PCGF6: variants seen among roughly 807,000 people sequenced by gnomAD.
PCGF6 encodes polycomb group RING finger protein 6.
In PCGF6, 24 loss-of-function variants were observed where a neutral mutation model predicts 45.5. The ratio of observed to expected loss-of-function variants is 0.53; its 90% CI spans 0.38 to 0.74. PCGF6 has a LOEUF of 0.74. Among genes scored for constraint, PCGF6 ranks in the 30% least tolerant of loss-of-function variants. The probability of loss-of-function intolerance (pLI) is 0.00; values close to 1 mark genes in which losing one functional copy is unlikely to be tolerated. For missense variants in PCGF6, 356 were observed against 443.2 expected (o/e 0.80, Z 1.77); for synonymous variants, 152 against 162.1 (o/e 0.94, Z 0.47).
At chr10:103,337,555 A>G (rs1029571137) in intron 6 of PCGF6, among the ~76,000 whole-genome samples, 1 of 152,172 alleles carries the variant, frequency 6.6e-6, no homozygotes, top group African/African-American at 2.4e-5. Context: ...AACATACCAT[A>G]CTGTCTGTCT....
At chr10:103,315,885 A>G (rs1004060146) in intron 8 of PCGF6, among the ~76,000 whole-genome samples, 1 of 152,056 alleles carries the variant, frequency 6.6e-6, no homozygotes, top group Non-Finnish European at 1.5e-5. Context: ...CTTACTTGCT[A>G]AGATAGAAAT....
At chr10:103,321,666 C>A (rs1408474094) in intron 8 of PCGF6, among the ~76,000 whole-genome samples, 3 of 151,740 alleles carry the variant, frequency 2.0e-5, no homozygotes, top group Non-Finnish European at 2.9e-5. Flanking sequence ...GAGCCGAGAT[C>A]GCGCCACTGT....
intron 5 of PCGF6, among the ~76,000 whole-genome samples, chr10:103,346,756 T>C (rs917739208): frequency 6.6e-6 from 1 of 151,984 alleles, no homozygotes; most frequent in East Asian, 1.9e-4. Flanking sequence ...GATCACAGCA[T>C]TGCACTCCAG....
At position 103,333,924 on chromosome 10, in the gene PCGF6, C is replaced by A; in HGVS notation, c.810+1G>T. On this transcript the variant is annotated splice_donor_variant, in intron 7 of 9. Transcript: ENST00000369847. LOFTEE classifies it high-confidence loss of function. ...AATGAATGAAAAAAAAAGTAAAATA[C>A]CTTAAAATGTCCCGTGCCTTCATTA... 1 of 1,558,080 alleles carries A rather than the reference C, an allele frequency of 6.4e-7. No individual in the cohort carries two copies.
chr10:103,346,726 T>C (rs1167632833), intron 5 of PCGF6, among the ~76,000 whole-genome samples: 5 of 152,052 alleles, frequency 3.3e-5, no homozygotes, highest in African/African-American at 7.2e-5. Context: ...ACCCAGAAGG[T>C]GGAGGTTGCG....
rs1002086410 is a variant in PCGF6, at chr10:103,303,229, C to T, written c.*676G>A. ...TGAATGTCAGAAATAAAAATACTGT[C>T]ACAAAGAAGCACCCCTTATTGGAAG... On this transcript the variant is annotated 3_prime_UTR_variant, in exon 10 of 10. Transcript: ENST00000369847. 1.2e-4 allele frequency: 18 copies of T among 152,656 alleles called. No homozygotes were observed. Among genetic ancestry groups the T allele is most frequent in the African/African-American group, 4.3e-4 (18 of 41,560 alleles). 9.5% of individuals were successfully genotyped at this position (152,656 alleles called of 1,614,324 possible). A position where few individuals can be genotyped will look rare whatever the true frequency, so the allele number is the denominator to read the frequency against.
Position 103,351,098 on chromosome 10 carries a change from G to T in PCGF6, c.-32C>A. On this transcript the variant is annotated 5_prime_UTR_variant, in exon 1 of 10. Transcript: ENST00000369847. ...GAGAGACACCAGGCGAGGCGAGGCG[G>T]CGGGAGAGCGCGGGAGTTCGGCCGG... 7.5e-7 allele frequency: 1 copy of T among 1,339,658 alleles called. No homozygotes were observed. Among genetic ancestry groups the T allele is most frequent in the Non-Finnish European group, 9.6e-7 (1 of 1,045,118 alleles). 83.0% of individuals were successfully genotyped at this position (1,339,658 alleles called of 1,614,324 possible).
At chr10:103,319,441 G>A (rs961337083) in intron 8 of PCGF6, among the ~76,000 whole-genome samples, 10 of 151,942 alleles carry the variant, frequency 6.6e-5, no homozygotes, top group South Asian at 2.1e-4. Context: ...GTGAGCCACC[G>A]GACCTGGCCA....
rs1386627255 is a variant in PCGF6, at chr10:103,347,518, A to C, written c.558-68T>G. 3.8e-6 allele frequency: 5 copies of C among 1,318,212 alleles called. No homozygotes were observed. The East Asian group carries it at 1.2e-4, about 30-fold the overall frequency. The allele number at this position is 1,318,212 out of a possible 1,614,324, so 81.7% of individuals were successfully genotyped here. A position where few individuals can be genotyped will look rare whatever the true frequency, so the allele number is the denominator to read the frequency against. On this transcript the variant is annotated intron_variant, in intron 3 of 9. Coordinates refer to ENST00000369847, the MANE Select transcript of PCGF6 (RefSeq NM_001011663.2). ...AATGCATTTTGGTACAGAGTGAGTTAATTGTGTTTTCTCTTGAGAGTGGGT... is the reference window on the plus strand; with the variant it reads ...AATGCATTTTGGTACAGAGTGAGTTCATTGTGTTTTCTCTTGAGAGTGGGT...
chr10:103,307,079 G>C (rs1031060252), intron 9 of PCGF6, among the ~76,000 whole-genome samples: 1 of 151,748 alleles, frequency 6.6e-6, no homozygotes, highest in Non-Finnish European at 1.5e-5. Flanking sequence ...ACTCCAGCCT[G>C]GGTGACAGAG....
intron 6 of PCGF6, among the ~76,000 whole-genome samples, chr10:103,336,772 G>A (rs566614872): frequency 6.6e-6 from 1 of 152,282 alleles, no homozygotes; most frequent in East Asian, 1.9e-4. Context: ...CTACTCGAGA[G>A]GCTGAGGCAG....
At chr10:103,331,792 A>ATC (rs955238740) in intron 7 of PCGF6, among the ~76,000 whole-genome samples, 2 of 151,152 alleles carry the variant, frequency 1.3e-5, no homozygotes, top group South Asian at 2.1e-4. Context: ...CATTTAATAC[A>ATC]TCTCTCTCTC....
intron 5 of PCGF6, among the ~76,000 whole-genome samples, chr10:103,346,174 G>A (rs2093298396): frequency 2.1e-5 from 3 of 142,304 alleles, no homozygotes; most frequent in South Asian, 4.5e-4. Flanking sequence ...CAGCCTGTGC[G>A]ACAGAGCAAG....
intron 9 of PCGF6, among the ~76,000 whole-genome samples, chr10:103,307,343 A>C (rs1320473826): frequency 6.6e-6 from 1 of 151,548 alleles, no homozygotes; most frequent in Non-Finnish European, 1.5e-5. Flanking sequence ...AGGCTGAGGC[A>C]GGAGGATTGC....
intron 6 of PCGF6, among the ~76,000 whole-genome samples, chr10:103,342,067 T>G (rs2093282791): frequency 6.6e-6 from 1 of 151,568 alleles, no homozygotes; most frequent in South Asian, 2.1e-4. Context: ...CCCAAGTAGC[T>G]GGAATCACAG....
At chr10:103,308,582 T>G (rs2093145662) in intron 9 of PCGF6, among the ~76,000 whole-genome samples, 1 of 151,662 alleles carries the variant, frequency 6.6e-6, no homozygotes, top group Non-Finnish European at 1.5e-5. Context: ...GCTTTAAGAT[T>G]TAATGAGAGC....
At chr10:103,304,312 C>T (rs1203182164) in intron 9 of PCGF6, among the ~76,000 whole-genome samples, 2 of 150,454 alleles carry the variant, frequency 1.3e-5, no homozygotes, top group Non-Finnish European at 3.0e-5. Context: ...AATTTTTGTA[C>T]GTATGTATCA....
intron 8 of PCGF6, among the ~76,000 whole-genome samples, chr10:103,321,359 T>C (rs1448682506): frequency 6.6e-6 from 1 of 152,110 alleles, no homozygotes; most frequent in Non-Finnish European, 1.5e-5. Context: ...GAAACCCACA[T>C]TTTTAGGTAA....
intron 8 of PCGF6, among the ~76,000 whole-genome samples, chr10:103,316,013 T>TATATATAG (rs1311416309): frequency 8.4e-5 from 10 of 119,524 alleles, no homozygotes; most frequent in African/African-American, 3.2e-4. Context: ...TATATATATA[T>TATATATAG]AGAGAGAGAG....
Sources: gnomAD v4.1 joint callset for allele counts (sites outside exome capture counted in the v4.1 genomes callset) on GRCh38, gnomAD v4.1.1 for gene constraint, MANE v1.5 for transcripts, NCBI Gene and HGNC (gene_info 2026-07-23, HGNC 2026-07-21) for gene names.